Variants in ENOPH1 observed in about 807,000 individuals in gnomAD.
ENOPH1 encodes the protein enolase-phosphatase 1, also known as enolase-phosphatase E1.
A neutral mutation model predicts 31.1 loss-of-function variants in ENOPH1; 14 were observed. The ratio of observed to expected loss-of-function variants is 0.45; its 90% confidence interval spans 0.30 to 0.70. The LOEUF (loss-of-function observed/expected upper bound fraction) is 0.70. ENOPH1 is among the 30% of genes least tolerant of loss of function. The pLI is 0.09. For synonymous variants in ENOPH1, 127 were observed against 123.2 expected, an observed-to-expected ratio of 1.03 and a Z score of -0.21; for missense variants, 243 against 321.5, an observed-to-expected ratio of 0.76 and a Z score of 1.87.
rs1399820646 is a variant in ENOPH1 at position 82,447,985 on chromosome 4, G to A, written c.150G>A (p.Glu50=). The A allele has an allele frequency of 6.2e-7, 1 of 1,613,122 alleles. No individual in the cohort carries two copies. Among genetic ancestry groups the A allele is most frequent in the East Asian group, 2.2e-5 (1 of 44,838 alleles). Residue 50 remains glutamate (E), a synonymous_variant, in exon 2 of 6, where the codon GAG becomes GAA. Coordinates refer to ENST00000273920, the MANE Select transcript of ENOPH1 (RefSeq NM_021204.5). Reference sequence around the variant, plus strand: ...ATCTGCAGACACATTGGGAAGAAGAGGAGTGCCAGCAGGATGTCAGTCTTT... The same window carrying A: ...ATCTGCAGACACATTGGGAAGAAGAAGAGTGCCAGCAGGATGTCAGTCTTT... The part of the protein sequence containing the change: ...KEYLQTHWEE[E]ECQQDVSLLR...
chr4:82,435,850 T>A (rs1578092535), intron 1 of ENOPH1, among the ~76,000 whole-genome samples: 1 of 152,346 alleles, frequency 6.6e-6, no homozygotes, highest in East Asian at 1.9e-4. Context: ...TCATTCAGTC[T>A]ACGGATTTAG....
chr4:82,448,116 C>A, intron 2 of ENOPH1, 95 bp downstream of exon 2: 1 of 797,624 alleles, frequency 1.3e-6, no homozygotes. Context: ...AAATAAGTGC[C>A]CTGGTTTGAT....
chr4:82,458,142 C>G (rs1311866746), intron 5 of ENOPH1, among the ~76,000 whole-genome samples: 1 of 152,192 alleles, frequency 6.6e-6, no homozygotes, highest in East Asian at 1.9e-4. Context: ...TTGCTCTTTT[C>G]TCTCTGGTCC....
At chr4:82,442,301 T>A (rs530548619) in intron 1 of ENOPH1, among the ~76,000 whole-genome samples, 19 of 152,234 alleles carry the variant, frequency 1.2e-4, no homozygotes, top group African/African-American at 4.6e-4. Context: ...CGGGGGATCA[T>A]CAGAGGTCAG....
At chr4:82,450,617 T>C (rs1722324212) in intron 2 of ENOPH1, among the ~76,000 whole-genome samples, 1 of 152,238 alleles carries the variant, frequency 6.6e-6, no homozygotes, top group South Asian at 2.1e-4. Flanking sequence ...ACCTCATTAC[T>C]TCACTAGCTT....
intron 1 of ENOPH1, among the ~76,000 whole-genome samples, chr4:82,440,403 G>C (rs898687380): frequency 2.6e-5 from 4 of 152,154 alleles, no homozygotes; most frequent in African/African-American, 9.7e-5. Flanking sequence ...GTGAGAGCTG[G>C]ATGGCTTCAG....
chr4:82,430,605 C>T lies in ENOPH1; in HGVS notation c.-225C>T. 3 of 549,514 alleles carry T rather than the reference C, an allele frequency of 5.5e-6. No individual in the cohort carries two copies. Among genetic ancestry groups the T allele is most frequent in the Non-Finnish European group, 9.8e-6 (3 of 307,470 alleles). 34.0% of individuals were successfully genotyped at this position (549,514 alleles called of 1,614,324 possible). A position where few individuals can be genotyped will look rare whatever the true frequency, so the allele number is the denominator to read the frequency against. ...TGCCCACGTGGTCTCGGGCTCCTGC[C>T]CCGTCCTGCTCACGAGTTCAGGGCT... On this transcript the variant is annotated 5_prime_UTR_variant, in exon 1 of 6. Coordinates refer to ENST00000273920, the MANE Select transcript of ENOPH1 (RefSeq NM_021204.5).
chr4:82,446,703 T>TC (rs1295717435), intron 1 of ENOPH1, among the ~76,000 whole-genome samples: 2 of 103,858 alleles, frequency 1.9e-5, no homozygotes, highest in Non-Finnish European at 3.5e-5. Flanking sequence ...TTTTTTTTTT[T>TC]TTTTTTTTTT....
At chr4:82,454,914 T>C in intron 4 of ENOPH1, 60 bp downstream of exon 4, 1 of 1,523,116 alleles carries the variant, frequency 6.6e-7, no homozygotes, top group Non-Finnish European at 8.8e-7. Flanking sequence ...TAATGAATCT[T>C]AATGGAAAAC....
In ENOPH1 at chr4:82,453,622, A is replaced by T. The variant is rs561707041; in HGVS notation, c.390-1100A>T. On this transcript the variant is annotated intron_variant, in intron 3 of 5. Transcript: ENST00000273920. The stretch of plus-strand genomic sequence containing the variant: ...TTTCCTTCAATTAGTGCAACATGTT[A>T]AGCATGTTAATACATATAAAGCGGA... Among the ~76,000 whole-genome samples the T allele has an allele frequency of 1.2e-4, 18 of 152,360 alleles. 1 individual carries two copies. Among genetic ancestry groups the T allele is most frequent in the South Asian group, 8.3e-4 (4 of 4,824 alleles).
chr4:82,460,555 G>A lies in ENOPH1; in HGVS notation c.*435G>A, dbSNP rs1265275313. The A allele has an allele frequency of 1.3e-5, 2 of 153,536 alleles. No individual in the cohort carries two copies. Among genetic ancestry groups the A allele is most frequent in the Admixed American group, 6.5e-5 (1 of 15,442 alleles). The allele number at this position is 153,536 out of a possible 1,614,324, so 9.5% of individuals were successfully genotyped here. The stretch of plus-strand genomic sequence containing the variant: ...AGAAAATGAATAATTCATTGCCCTT[G>A]TGATTTAGAAGATTATAACAGCTGT... On this transcript the variant is annotated 3_prime_UTR_variant, in exon 6 of 6. Coordinates refer to ENST00000273920, the MANE Select transcript of ENOPH1 (RefSeq NM_021204.5).
intron 5 of ENOPH1, among the ~76,000 whole-genome samples, chr4:82,458,339 T>C (rs1375126051): frequency 6.6e-6 from 1 of 152,130 alleles, no homozygotes; most frequent in African/African-American, 2.4e-5. Flanking sequence ...AAACCTTGTG[T>C]CTACTAAAAT....
chr4:82,446,343 G>C (rs988896839), intron 1 of ENOPH1, among the ~76,000 whole-genome samples: 1 of 151,840 alleles, frequency 6.6e-6, no homozygotes, highest in Non-Finnish European at 1.5e-5. Flanking sequence ...TCTTGAACTC[G>C]GGAGGCGGAG....
chr4:82,449,645 A>G (rs1324316638), intron 2 of ENOPH1, among the ~76,000 whole-genome samples: 3 of 152,198 alleles, frequency 2.0e-5, no homozygotes, highest in Non-Finnish European at 2.9e-5. Flanking sequence ...GTCACCTCCC[A>G]CTAGGCCTCA....
intron 1 of ENOPH1, among the ~76,000 whole-genome samples, chr4:82,435,683 A>C (rs114958704): frequency 1.3e-5 from 2 of 152,186 alleles, no homozygotes; most frequent in African/African-American, 4.8e-5. Flanking sequence ...TATTACTTCT[A>C]TTATTGCCAG....
chr4:82,456,643 T>G (rs1350124181), intron 4 of ENOPH1, among the ~76,000 whole-genome samples: 1 of 152,234 alleles, frequency 6.6e-6, no homozygotes, highest in Non-Finnish European at 1.5e-5. Context: ...TATTTTAAAC[T>G]ATTTCAGATG....
At chr4:82,448,706 G>A (rs1464697439) in intron 2 of ENOPH1, among the ~76,000 whole-genome samples, 1 of 147,132 alleles carries the variant, frequency 6.8e-6, no homozygotes. Flanking sequence ...TGGATCACTC[G>A]AGGTCAGGAG....
chr4:82,452,877 T>C (rs6535345), intron 3 of ENOPH1, among the ~76,000 whole-genome samples: 45,028 of 150,684 alleles, frequency 0.3, 7,940 homozygotes, highest in African/African-American at 0.51. Flanking sequence ...CGTGAGCCAC[T>C]GTGCCAGGCC....
At chr4:82,459,353 C>T (rs754892395) in intron 5 of ENOPH1, among the ~76,000 whole-genome samples, 2 of 152,094 alleles carry the variant, frequency 1.3e-5, no homozygotes, top group Admixed American at 6.5e-5. Flanking sequence ...TGCAGTAGTG[C>T]GATCTCGGCT....
Sources: gnomAD v4.1 joint callset for allele counts (sites outside exome capture counted in the v4.1 genomes callset) on GRCh38, gnomAD v4.1.1 for gene constraint, MANE v1.5 for transcripts, NCBI Gene and HGNC (gene_info 2026-07-23, HGNC 2026-07-21) for gene names.